GAB4: variants seen among roughly 807,000 people sequenced by gnomAD.
GAB4 encodes the protein GRB2-associated-binding protein 4.
In GAB4, 26 loss-of-function variants were observed where a neutral mutation model predicts 51.3. The observed-to-expected ratio is 0.51, with a 90% CI of 0.37 to 0.70. The LOEUF (loss-of-function observed/expected upper bound fraction) is 0.70. Ranked by LOEUF, GAB4 falls within the 30% of genes least tolerant of loss-of-function variation. The pLI is 0.00. For synonymous variants in GAB4, 329 were observed against 291.2 expected (o/e 1.13, Z -1.32); for missense variants, 759 against 734.6 (o/e 1.03, Z -0.38).
At position 16,962,620 on chromosome 22, in the gene GAB4, A is replaced by T; in HGVS notation, c.*113T>A. The stretch of plus-strand genomic sequence containing the variant: ...AGCAGGCAAAGGATGTATATTGATC[A>T]GGCCTCTGCTCTCTATGTAAGGGAT... On this transcript the variant is annotated 3_prime_UTR_variant, in exon 10 of 10. Coordinates refer to ENST00000400588, the MANE Select transcript of GAB4 (RefSeq NM_001037814.1). 2 of 970,478 alleles carry T rather than the reference A, an allele frequency of 2.1e-6. No individual in the cohort carries two copies. The highest frequency in any genetic ancestry group is 1.6e-5 in the African/African-American group (1 of 61,548). 60.1% of individuals were successfully genotyped at this position (970,478 alleles called of 1,614,324 possible). A position where few individuals can be genotyped will look rare whatever the true frequency, so the allele number is the denominator to read the frequency against.
chr22:16,971,322 G>A (rs184303515), intron 3 of GAB4, among the ~76,000 whole-genome samples: 14 of 152,342 alleles, frequency 9.2e-5, no homozygotes, highest in Admixed American at 9.1e-4. Context: ...AGCTCTGTGT[G>A]CCTTCCTGAT....
At chr22:16,982,831 T>A (rs947688836) in intron 3 of GAB4, among the ~76,000 whole-genome samples, 2 of 152,160 alleles carry the variant, frequency 1.3e-5, no homozygotes, top group Non-Finnish European at 2.9e-5. Context: ...TCGGAACATG[T>A]CCAGGGTCCA....
At chr22:16,997,989 T>C (rs1278537053) in intron 1 of GAB4, among the ~76,000 whole-genome samples, 1 of 152,260 alleles carries the variant, frequency 6.6e-6, no homozygotes, top group East Asian at 1.9e-4. Context: ...GGCTCTGTTC[T>C]GTTCCATTGG....
intron 1 of GAB4, among the ~76,000 whole-genome samples, chr22:16,998,771 T>A (rs1249504502): frequency 6.6e-6 from 1 of 152,244 alleles, no homozygotes; most frequent in Non-Finnish European, 1.5e-5. Context: ...AGTATGATAT[T>A]GGCTGTCGGT....
chr22:16,964,808 G>A lies in GAB4; in HGVS notation c.1434C>T (p.Thr478=), dbSNP rs753516134. The change falls in exon 8 of 10, where the codon ACC becomes ACT. Residue 478 remains threonine (T), a synonymous_variant. Transcript: ENST00000400588. ...SQHPISTQSI[T]NTDSEDSGER... ...CTCCACTGTCTTCTGAGTCTGTGTT[G>A]GTGATGCTCTGCGTGGAGATGGGGT... is the stretch of plus-strand genomic sequence containing the variant. 103 of 1,614,042 alleles carry A rather than the reference G, an allele frequency of 6.4e-5. 1 individual carries two copies. In the Middle Eastern group the frequency reaches 4.3e-3, roughly 67 times the overall value.
intron 3 of GAB4, among the ~76,000 whole-genome samples, chr22:16,970,802 C>T (rs1334970116): frequency 6.6e-6 from 1 of 152,162 alleles, no homozygotes; most frequent in East Asian, 1.9e-4. Flanking sequence ...CCAGGTTTTA[C>T]GGTGGTTAGA....
intron 5 of GAB4, 193 bp from the exon 6 acceptor site, chr22:16,966,557 G>A (rs1451703624): frequency 8.2e-6 from 5 of 609,060 alleles, no homozygotes; most frequent in Admixed American, 3.0e-5. Flanking sequence ...GGAACCCCAT[G>A]GATGGGGCCC....
At chr22:16,968,454 A>G in intron 4 of GAB4, 71 bp from the exon 5 acceptor site, 1 of 1,092,300 alleles carries the variant, frequency 9.2e-7, no homozygotes, top group Non-Finnish European at 1.4e-6. Context: ...CGCCCTCCCC[A>G]GTGCTGCTTA....
At chr22:16,999,827 T>A (rs2060981926) in intron 1 of GAB4, among the ~76,000 whole-genome samples, 1 of 152,240 alleles carries the variant, frequency 6.6e-6, no homozygotes, top group African/African-American at 2.4e-5. Context: ...TCCCAGAGCT[T>A]CTGGTATGTT....
intron 9 of GAB4, among the ~76,000 whole-genome samples, chr22:16,963,503 C>G (rs1344508500): frequency 6.6e-6 from 1 of 152,168 alleles, no homozygotes; most frequent in East Asian, 1.9e-4. Flanking sequence ...AGTCATCTGT[C>G]TCTAATGGGG....
At chr22:16,968,225 G>C (rs5748769) in intron 5 of GAB4, 73 bp downstream of exon 5, 116,570 of 1,039,040 alleles carry the variant, frequency 0.11, 8,091 homozygotes, top group East Asian at 0.32. Context: ...TGGGGGATGT[G>C]CTTTTAGTTC....
intron 8 of GAB4, 31 bp from the exon 9 acceptor site, chr22:16,963,860 T>G: frequency 6.4e-7 from 1 of 1,559,350 alleles, no homozygotes; most frequent in Non-Finnish European, 8.8e-7. Context: ...ATCCTGCAAA[T>G]GAGTTCAGGA....
chr22:16,971,097 G>C (rs765018022), intron 3 of GAB4, among the ~76,000 whole-genome samples: 1 of 152,140 alleles, frequency 6.6e-6, no homozygotes, highest in Non-Finnish European at 1.5e-5. Context: ...GGGAGGCTGA[G>C]GTGGGAGTAT....
intron 1 of GAB4, among the ~76,000 whole-genome samples, chr22:17,007,376 A>C (rs2061048873): frequency 1.3e-5 from 2 of 152,190 alleles, no homozygotes; most frequent in Non-Finnish European, 2.9e-5. Context: ...GCGTGGTGGC[A>C]TGGAAGGACG....
intron 3 of GAB4, among the ~76,000 whole-genome samples, chr22:16,979,241 T>C (rs1296250119): frequency 6.6e-6 from 1 of 152,194 alleles, no homozygotes; most frequent in Admixed American, 6.5e-5. Context: ...AGTCAAGTTG[T>C]CTCTGTTTGC....
intron 1 of GAB4, among the ~76,000 whole-genome samples, chr22:17,004,257 G>A (rs532155302): frequency 7.4e-4 from 113 of 152,254 alleles, no homozygotes; most frequent in Non-Finnish European, 1.3e-3. Context: ...GTACAAAAAC[G>A]AGCTGGTACC....
chr22:16,968,418 G>T (rs1467122099), intron 4 of GAB4, 35 bp from the exon 5 acceptor site: 3 of 1,481,952 alleles, frequency 2.0e-6, no homozygotes, highest in Non-Finnish European at 2.8e-6. Flanking sequence ...ATGCATCACA[G>T]CTGATCCATG....
chr22:16,975,779 G>A (rs1274291088), intron 3 of GAB4, among the ~76,000 whole-genome samples: 1 of 152,226 alleles, frequency 6.6e-6, no homozygotes, highest in Non-Finnish European at 1.5e-5. Flanking sequence ...GCATCTGGCA[G>A]GTGCTGCTCT....
intron 1 of GAB4, among the ~76,000 whole-genome samples, chr22:17,005,836 A>G (rs915627391): frequency 6.6e-6 from 1 of 152,248 alleles, no homozygotes; most frequent in Non-Finnish European, 1.5e-5. Context: ...TATATCTTAT[A>G]CAAAAATTAA....
Sources: gnomAD v4.1 joint callset for allele counts (sites outside exome capture counted in the v4.1 genomes callset) on GRCh38, gnomAD v4.1.1 for gene constraint, MANE v1.5 for transcripts, NCBI Gene and HGNC (gene_info 2026-07-23, HGNC 2026-07-21) for gene names.